Variants in UGGT2 observed in about 807,000 individuals in gnomAD.
The protein encoded by UGGT2 is UDP-glucose glycoprotein glucosyltransferase 2.
Under a neutral mutation model 192.1 loss-of-function variants are expected in UGGT2, and 180 were observed. The ratio of observed to expected loss-of-function variants is 0.94; its 90% CI spans 0.83 to 1.06. The LOEUF (loss-of-function observed/expected upper bound fraction) is 1.06. Among genes scored for constraint, UGGT2 ranks in the 50% least tolerant of loss-of-function variants. UGGT2 has a pLI of 0.00. For missense variants in UGGT2, 1,849 were observed against 1,795.7 expected, an observed-to-expected ratio of 1.03 and a Z score of -0.54; for synonymous variants, 580 against 591.0, an observed-to-expected ratio of 0.98 and a Z score of 0.27.
At chr13:95,981,975 A>T (rs2051140091) in intron 10 of UGGT2, among the ~76,000 whole-genome samples, 1 of 152,134 alleles carries the variant, frequency 6.6e-6, no homozygotes, top group South Asian at 2.1e-4. Context: ...TGTTCTCTGG[A>T]AGTAGTAGGT....
intron 20 of UGGT2, among the ~76,000 whole-genome samples, chr13:95,925,097 TTAAG>T (rs1195942143): frequency 2.6e-5 from 4 of 152,170 alleles, no homozygotes; most frequent in Non-Finnish European, 4.4e-5. Context: ...TTTATGTTTC[TTAAG>T]TATTTTTTAT....
At chr13:96,049,039 T>C (rs965145541) in intron 1 of UGGT2, among the ~76,000 whole-genome samples, 1 of 152,122 alleles carries the variant, frequency 6.6e-6, no homozygotes, top group African/African-American at 2.4e-5. Context: ...AAAAAGAGAA[T>C]TTTAGACCAA....
intron 38 of UGGT2, among the ~76,000 whole-genome samples, chr13:95,813,969 C>T (rs1017594950): frequency 6.6e-6 from 1 of 152,176 alleles, no homozygotes; most frequent in Admixed American, 6.5e-5. Context: ...TGGTGTTAAG[C>T]CTGTAGGCAT....
intron 1 of UGGT2, 47 bp from the exon 2 acceptor site, chr13:96,032,018 G>A: frequency 7.1e-7 from 1 of 1,415,770 alleles, no homozygotes; most frequent in South Asian, 1.2e-5. Context: ...AATTTAAAAT[G>A]GTTTAGATAC....
chr13:95,803,480 G>A (rs1884161887), intron 38 of UGGT2, among the ~76,000 whole-genome samples: 1 of 151,862 alleles, frequency 6.6e-6, no homozygotes, highest in Admixed American at 6.6e-5. Flanking sequence ...GGCTGGTCTC[G>A]AACTCCCGAC....
At chr13:95,958,462 G>T (rs2050281473) in intron 12 of UGGT2, among the ~76,000 whole-genome samples, 1 of 152,198 alleles carries the variant, frequency 6.6e-6, no homozygotes, top group Non-Finnish European at 1.5e-5. Context: ...AAGGCAGGTA[G>T]TTTATGAGCA....
intron 12 of UGGT2, among the ~76,000 whole-genome samples, chr13:95,964,163 A>G (rs1356893637): frequency 2.0e-5 from 3 of 152,164 alleles, no homozygotes; most frequent in Non-Finnish European, 4.4e-5. Flanking sequence ...AAATAAATTC[A>G]TGTATTTATA....
chr13:95,835,573 T>A (rs537088953), intron 37 of UGGT2, among the ~76,000 whole-genome samples: 1 of 152,252 alleles, frequency 6.6e-6, no homozygotes, highest in Admixed American at 6.5e-5. Flanking sequence ...TTTTAAAATA[T>A]GTATTTCTAT....
At chr13:95,890,032 G>T (rs1594243969) in intron 25 of UGGT2, among the ~76,000 whole-genome samples, 1 of 152,174 alleles carries the variant, frequency 6.6e-6, no homozygotes, top group Non-Finnish European at 1.5e-5. Context: ...CCCCAAGGCA[G>T]CCTACACTTA....
chr13:95,903,039 A>G lies in UGGT2; in HGVS notation c.2317T>C (p.Leu773=). The G allele has an allele frequency of 1.2e-6, 2 of 1,611,930 alleles. No individual in the cohort carries two copies. The highest frequency in any genetic ancestry group is 1.7e-5 in the Admixed American group (1 of 59,806). ...GATGTAGGATTATAAATAATCCCCA[A>G]CCGACTATGAACACTTGTTTTCTGC... ...KHMKTSVHSR[L]GIIYNPTSKI... is the part of the protein sequence containing the mutation. The change falls in exon 21 of 39, where the codon TTG becomes CTG. Residue 773 remains leucine, a synonymous_variant. Coordinates refer to ENST00000376747, the MANE Select transcript of UGGT2 (RefSeq NM_020121.4).
At chr13:95,976,464 A>T (rs1566784253) in intron 10 of UGGT2, among the ~76,000 whole-genome samples, 1 of 152,006 alleles carries the variant, frequency 6.6e-6, no homozygotes, top group Non-Finnish European at 1.5e-5. Flanking sequence ...TCATATGGTA[A>T]TTCTATTTTT....
intron 38 of UGGT2, among the ~76,000 whole-genome samples, chr13:95,830,741 C>G (rs1419306300): frequency 1.3e-5 from 2 of 152,136 alleles, no homozygotes; most frequent in Admixed American, 1.3e-4. Context: ...GGATCTAAAA[C>G]TAGAAATACC....
intron 12 of UGGT2, 51 bp from the exon 13 acceptor site, chr13:95,949,505 T>C (rs2049990263): frequency 1.5e-6 from 2 of 1,376,592 alleles, no homozygotes; most frequent in East Asian, 5.3e-5. Flanking sequence ...CTGAAATCAT[T>C]TTCAAAGCCA....
chr13:95,812,759 T>A (rs1884643703), intron 38 of UGGT2, among the ~76,000 whole-genome samples: 1 of 152,052 alleles, frequency 6.6e-6, no homozygotes, highest in East Asian at 1.9e-4. Context: ...GTACCCACCT[T>A]ACTCTCTCTC....
chr13:95,844,254 G>A (rs1025621147), intron 36 of UGGT2, among the ~76,000 whole-genome samples: 4 of 152,138 alleles, frequency 2.6e-5, no homozygotes, highest in East Asian at 1.9e-4. Context: ...GAGCCACCAC[G>A]CCTGGCCTGT....
intron 20 of UGGT2, among the ~76,000 whole-genome samples, chr13:95,922,439 T>G (rs1001082738): frequency 1.5e-5 from 2 of 135,874 alleles, no homozygotes; most frequent in Admixed American, 7.7e-5. Flanking sequence ...AATCTCCACA[T>G]GTACCCCTGG....
chr13:95,818,320 AAAG>A (rs1885127284), intron 38 of UGGT2, among the ~76,000 whole-genome samples: 1 of 152,210 alleles, frequency 6.6e-6, no homozygotes, highest in Non-Finnish European at 1.5e-5. Flanking sequence ...TCAAAAAAGA[AAAG>A]AAAATCTTTG....
At chr13:95,980,516 T>C (rs2051085574) in intron 10 of UGGT2, among the ~76,000 whole-genome samples, 1 of 152,102 alleles carries the variant, frequency 6.6e-6, no homozygotes, top group South Asian at 2.1e-4. Context: ...ACTGTTCAGG[T>C]GATGGGTGCA....
chr13:95,848,260 T>C (rs1888676950), intron 36 of UGGT2, among the ~76,000 whole-genome samples: 1 of 152,206 alleles, frequency 6.6e-6, no homozygotes, highest in Admixed American at 6.5e-5. Flanking sequence ...CTTTTCTTTC[T>C]CTTGTTATTG....
Sources: allele counts gnomAD v4.1 joint callset (sites outside exome capture counted in the v4.1 genomes callset), GRCh38; gene constraint gnomAD v4.1.1; transcripts MANE v1.5; gene names NCBI Gene and HGNC (gene_info 2026-07-23, HGNC 2026-07-21).